ERC2: variants seen among roughly 807,000 people sequenced by gnomAD.
ERC2 encodes the protein ERC protein 2.
Under a neutral mutation model 114.8 loss-of-function variants are expected in ERC2, and 42 were observed. The observed-to-expected ratio is 0.37, with a 90% CI of 0.29 to 0.47. ERC2 has a LOEUF of 0.47. Ranked by LOEUF, ERC2 falls within the 20% of genes least tolerant of loss-of-function variation. The probability of loss-of-function intolerance (pLI) is 0.99; values close to 1 mark genes in which losing one functional copy is unlikely to be tolerated. For synonymous variants in ERC2, 454 were observed against 425.5 expected (o/e 1.07, Z -0.82); for missense variants, 939 against 1,150.7 (o/e 0.82, Z 2.66).
At chr3:56,355,315 CTTTTTTCTTTCTTTTTT>C (rs1490064846) in intron 2 of ERC2, among the ~76,000 whole-genome samples, 4 of 144,862 alleles carry the variant, frequency 2.8e-5, no homozygotes, top group Non-Finnish European at 6.1e-5. Context: ...TTTTCTTTTT[CTTTTTTCTTTCTTTTTT>C]TTTTTTAACA....
At chr3:56,445,333 T>C (rs1191451671) in intron 1 of ERC2, among the ~76,000 whole-genome samples, 1 of 152,228 alleles carries the variant, frequency 6.6e-6, no homozygotes, top group Non-Finnish European at 1.5e-5. Context: ...TCTTTTACAA[T>C]TCATTCTTTT....
intron 6 of ERC2, among the ~76,000 whole-genome samples, chr3:56,132,992 A>G (rs559388545): frequency 6.6e-6 from 1 of 152,354 alleles, no homozygotes; most frequent in East Asian, 1.9e-4. Flanking sequence ...TATTATAGCC[A>G]TAATGTTACC....
chr3:56,435,151 CA>C lies in ERC2; in HGVS notation c.-140-5del. The stretch of plus-strand genomic sequence containing the variant: ...GAAAATAACTCCACTCAGAGATCTA[CA>C]AAGTGAAAAAAAGAATAATTAAAAA... On this transcript the variant is annotated splice_polypyrimidine_tract_variant and splice_region_variant and intron_variant, in intron 1 of 17. Coordinates refer to ENST00000288221, the MANE Select transcript of ERC2 (RefSeq NM_015576.3). The C allele has an allele frequency of 1.6e-6, 1 of 629,726 alleles. No individual in the cohort carries two copies. The highest frequency in any genetic ancestry group is 2.7e-6 in the Non-Finnish European group (1 of 368,974). 39.0% of individuals were successfully genotyped at this position (629,726 alleles called of 1,614,324 possible). A position where few individuals can be genotyped will look rare whatever the true frequency, so the allele number is the denominator to read the frequency against.
At chr3:55,642,526 G>T (rs1375584069) in intron 17 of ERC2, among the ~76,000 whole-genome samples, 1 of 151,872 alleles carries the variant, frequency 6.6e-6, no homozygotes, top group African/African-American at 2.4e-5. Context: ...GTAGAGATGG[G>T]GTTTCGTCAT....
chr3:56,057,800 T>A (rs751912065), intron 7 of ERC2, among the ~76,000 whole-genome samples: 3 of 151,960 alleles, frequency 2.0e-5, no homozygotes, highest in Admixed American at 6.6e-5. Flanking sequence ...GGGAGGCAGA[T>A]GAAAAATAAA....
At chr3:56,005,747 G>C (rs2072432574) in intron 10 of ERC2, among the ~76,000 whole-genome samples, 2 of 152,018 alleles carry the variant, frequency 1.3e-5, no homozygotes, top group Admixed American at 1.3e-4. Flanking sequence ...GTCATAAGGA[G>C]CCAATGAATT....
chr3:56,358,277 CCT>C (rs764446154), intron 2 of ERC2, among the ~76,000 whole-genome samples: 2 of 152,180 alleles, frequency 1.3e-5, no homozygotes, highest in South Asian at 2.1e-4. Flanking sequence ...TCCCCATCCT[CCT>C]CTCTTTCCTC....
chr3:55,943,552 A>G (rs1407169302), intron 13 of ERC2, among the ~76,000 whole-genome samples: 4 of 152,046 alleles, frequency 2.6e-5, no homozygotes, highest in Admixed American at 6.6e-5. Flanking sequence ...TTTATCTTCA[A>G]TGAGACTCAC....
At chr3:56,415,437 A>T (rs191322964) in intron 2 of ERC2, among the ~76,000 whole-genome samples, 2 of 152,334 alleles carry the variant, frequency 1.3e-5, no homozygotes, top group East Asian at 3.9e-4. Context: ...TTGACTCTGA[A>T]TAGGGAATAG....
intron 15 of ERC2, among the ~76,000 whole-genome samples, chr3:55,727,297 CCT>C (rs1438014115): frequency 6.6e-6 from 1 of 151,982 alleles, no homozygotes; most frequent in Non-Finnish European, 1.5e-5. Context: ...CAATTGAGGC[CCT>C]CTCTCAAAAC....
intron 13 of ERC2, among the ~76,000 whole-genome samples, chr3:55,943,463 T>C (rs527649276): frequency 1.4e-4 from 22 of 152,120 alleles, no homozygotes; most frequent in Admixed American, 9.8e-4. Flanking sequence ...GAAGCGTTTT[T>C]TTTTTCAGTG....
At chr3:55,855,110 G>C (rs2061735247) in intron 14 of ERC2, among the ~76,000 whole-genome samples, 1 of 152,092 alleles carries the variant, frequency 6.6e-6, no homozygotes, top group African/African-American at 2.4e-5. Context: ...TTCCACTAAG[G>C]AAACACTCAA....
At chr3:55,666,934 A>G (rs567513494) in intron 17 of ERC2, among the ~76,000 whole-genome samples, 2 of 152,158 alleles carry the variant, frequency 1.3e-5, no homozygotes, top group South Asian at 4.2e-4. Context: ...CTATTAATAT[A>G]CATAATATTA....
intron 2 of ERC2, among the ~76,000 whole-genome samples, chr3:56,310,287 T>A (rs1264218057): frequency 1.3e-4 from 20 of 152,198 alleles, no homozygotes; most frequent in African/African-American, 4.8e-4. Context: ...AAACGATAGC[T>A]AAAATAGAAA....
At chr3:55,535,250 TC>T (rs1161849338) in intron 17 of ERC2, among the ~76,000 whole-genome samples, 81 of 152,312 alleles carry the variant, frequency 5.3e-4, no homozygotes, top group Middle Eastern at 3.4e-3. Flanking sequence ...AGGAGAAATA[TC>T]CTCTGGAATA....
At chr3:55,919,734 G>C (rs2065306151) in intron 13 of ERC2, among the ~76,000 whole-genome samples, 1 of 152,132 alleles carries the variant, frequency 6.6e-6, no homozygotes, top group South Asian at 2.1e-4. Flanking sequence ...ATTTTAGGTG[G>C]GGTAGCCCAG....
intron 3 of ERC2, among the ~76,000 whole-genome samples, chr3:56,278,221 A>G (rs1007549160): frequency 6.6e-6 from 1 of 152,242 alleles, no homozygotes; most frequent in Non-Finnish European, 1.5e-5. Flanking sequence ...TGGGATCAAC[A>G]GTATTCAATA....
At chr3:56,077,154 C>A (rs1261231925) in intron 7 of ERC2, among the ~76,000 whole-genome samples, 1 of 152,186 alleles carries the variant, frequency 6.6e-6, no homozygotes, top group Non-Finnish European at 1.5e-5. Context: ...GACAATGTTT[C>A]ATTGGCCCAT....
chr3:55,954,592 T>C (rs890755210), intron 12 of ERC2, among the ~76,000 whole-genome samples: 12 of 152,134 alleles, frequency 7.9e-5, no homozygotes, highest in Non-Finnish European at 1.6e-4. Flanking sequence ...CAAAACTTAT[T>C]TTAAAATCTC....
Sources: allele counts gnomAD v4.1 joint callset (sites outside exome capture counted in the v4.1 genomes callset), GRCh38; gene constraint gnomAD v4.1.1; transcripts MANE v1.5; gene names NCBI Gene and HGNC (gene_info 2026-07-23, HGNC 2026-07-21).